Variants in MINPP1 observed in about 807,000 individuals in gnomAD.
MINPP1 encodes multiple inositol-polyphosphate phosphatase 1.
A neutral mutation model predicts 46.1 loss-of-function variants in MINPP1; 28 were observed. The ratio of observed to expected loss-of-function variants is 0.61; its 90% confidence interval spans 0.45 to 0.83. The LOEUF (loss-of-function observed/expected upper bound fraction) is 0.83, where lower values mean the gene tolerates loss of function less well. MINPP1 is among the 40% of genes least tolerant of loss of function. The pLI, the probability that MINPP1 is intolerant of heterozygous loss-of-function variation, is 0.00. For synonymous variants in MINPP1, 268 were observed against 249.1 expected, an observed-to-expected ratio of 1.08 and a Z score of -0.72; for missense variants, 603 against 610.0, an observed-to-expected ratio of 0.99 and a Z score of 0.12.
In MINPP1 at chr10:87,505,114, C is replaced by T; in HGVS notation, c.199C>T (p.Pro67Ser). 1 of 1,613,176 alleles carries T rather than the reference C, an allele frequency of 6.2e-7. No individual in the cohort carries two copies. The change falls in exon 1 of 5, where the codon CCG becomes TCG. Residue 67 changes from proline (P) to serine (S), a missense_variant. Around this residue, in one of 3 missense-constraint regions of MINPP1, gnomAD observed 239 missense variants for 189.4 expected, o/e 1.26. Coordinates refer to ENST00000371996, the MANE Select transcript of MINPP1 (RefSeq NM_004897.5). The surrounding 1 kb of genome is among the most constrained non-coding windows in gnomAD (Gnocchi z 4.4). ...NPVLLSGPEA[P>S]WRDPELLEGT... is the part of the protein sequence containing the mutation. ...CGTGCTATTGTCGGGCCCCGAGGCT[C>T]CGTGGCGGGACCCTGAGCTGCTGGA... is the stretch of plus-strand genomic sequence containing the variant.
chr10:87,513,708 C>T (rs982223536), intron 3 of MINPP1, among the ~76,000 whole-genome samples: 1 of 152,044 alleles, frequency 6.6e-6, no homozygotes, highest in East Asian at 1.9e-4. Flanking sequence ...ACCTTTTTTG[C>T]CACATTTCCT....
Position 87,508,252 on chromosome 10 carries a change from T to A in MINPP1, c.638-84T>A. ...GATTAGTAAGATGTTAGTGTTCCTTTTTCACACTTAACATTTTCAATAATT... is the reference window on the plus strand; with the variant it reads ...GATTAGTAAGATGTTAGTGTTCCTTATTCACACTTAACATTTTCAATAATT... On this transcript the variant is annotated intron_variant, in intron 1 of 4. Transcript: ENST00000371996. 2.5e-6 allele frequency: 4 copies of A among 1,570,380 alleles called. No homozygotes were observed. The South Asian group carries it at 4.6e-5, about 18-fold the overall frequency.
intron 4 of MINPP1, among the ~76,000 whole-genome samples, chr10:87,532,278 A>G (rs1851671429): frequency 6.6e-6 from 1 of 152,234 alleles, no homozygotes; most frequent in Non-Finnish European, 1.5e-5. Flanking sequence ...AGGAAAATTC[A>G]TTCAACAAAG....
chr10:87,534,092 C>G (rs1463413686), intron 4 of MINPP1, among the ~76,000 whole-genome samples: 1 of 147,356 alleles, frequency 6.8e-6, no homozygotes, highest in East Asian at 2.0e-4. Flanking sequence ...TCGCTCTATC[C>G]CCCAGGCTGG....
intron 2 of MINPP1, among the ~76,000 whole-genome samples, 166 bp from the exon 3 acceptor site, chr10:87,512,958 G>A: frequency 6.6e-6 from 1 of 152,162 alleles, no homozygotes; most frequent in East Asian, 1.9e-4. Flanking sequence ...CACAGAGAAA[G>A]TCTCTTAATT....
chr10:87,526,690 A>C (rs1851581925), intron 4 of MINPP1, among the ~76,000 whole-genome samples: 1 of 152,210 alleles, frequency 6.6e-6, no homozygotes, highest in Non-Finnish European at 1.5e-5. Context: ...TCTAACTTTT[A>C]AGTCTTTAAC....
At position 87,505,570 on chromosome 10, in the gene MINPP1, C is replaced by T; in HGVS notation, c.637+18C>T. On this transcript the variant is annotated intron_variant, in intron 1 of 4. Coordinates refer to ENST00000371996, the MANE Select transcript of MINPP1 (RefSeq NM_004897.5). This position sits in a 1 kb window ranked among gnomAD's most constrained non-coding sequence, Gnocchi z 4.4. Reference sequence around the variant, plus strand: ...CGTCGCAGGTGACCCCCCGGGCGGCCCGTGTGCTGTCCCGGTCCTCCCACC... The same window carrying T: ...CGTCGCAGGTGACCCCCCGGGCGGCTCGTGTGCTGTCCCGGTCCTCCCACC... The T allele has an allele frequency of 6.3e-7, 1 of 1,591,138 alleles. No homozygotes were observed. The highest frequency in any genetic ancestry group is 8.5e-7 in the Non-Finnish European group (1 of 1,175,010).
At chr10:87,522,314 T>A (rs565246402) in intron 4 of MINPP1, among the ~76,000 whole-genome samples, 4 of 152,352 alleles carry the variant, frequency 2.6e-5, no homozygotes, top group Admixed American at 2.6e-4. Flanking sequence ...ATCACTTCCC[T>A]GCATTGATGC....
chr10:87,544,676 A>T (rs897879441), intron 4 of MINPP1, among the ~76,000 whole-genome samples: 1 of 152,188 alleles, frequency 6.6e-6, no homozygotes, highest in Non-Finnish European at 1.5e-5. Context: ...TCACAATATC[A>T]TTGGAACCTT....
intron 4 of MINPP1, among the ~76,000 whole-genome samples, chr10:87,530,313 T>C (rs971301586): frequency 6.6e-6 from 1 of 152,198 alleles, no homozygotes; most frequent in Non-Finnish European, 1.5e-5. Flanking sequence ...CTTCAGCTTT[T>C]CTGTTCTGGT....
chr10:87,530,734 A>C (rs1315791663), intron 4 of MINPP1, among the ~76,000 whole-genome samples: 5 of 152,234 alleles, frequency 3.3e-5, no homozygotes, highest in Non-Finnish European at 7.3e-5. Flanking sequence ...CAAAGCTGTC[A>C]GACAGGGACG....
chr10:87,520,129 T>C (rs1251970346), intron 3 of MINPP1, among the ~76,000 whole-genome samples: 2 of 151,870 alleles, frequency 1.3e-5, no homozygotes, highest in African/African-American at 4.8e-5. Context: ...TGGGTTCTTA[T>C]TCAACATTGT....
chr10:87,538,366 C>T (rs528530316), intron 4 of MINPP1, among the ~76,000 whole-genome samples: 2 of 152,290 alleles, frequency 1.3e-5, no homozygotes, highest in Non-Finnish European at 2.9e-5. Flanking sequence ...TCTGGAAACT[C>T]GGCAGTAAGC....
intron 2 of MINPP1, among the ~76,000 whole-genome samples, chr10:87,510,730 A>G (rs1851322571): frequency 6.6e-6 from 1 of 152,230 alleles, no homozygotes. Context: ...CCCTGCCTCT[A>G]TCAAAGACAC....
At chr10:87,535,779 A>C (rs1435348177) in intron 4 of MINPP1, among the ~76,000 whole-genome samples, 1 of 151,654 alleles carries the variant, frequency 6.6e-6, no homozygotes, top group East Asian at 1.9e-4. Context: ...GAAAAAAAAA[A>C]TTAGCCAGGC....
intron 1 of MINPP1, among the ~76,000 whole-genome samples, chr10:87,506,356 T>G (rs537866814): frequency 6.6e-6 from 1 of 152,294 alleles, no homozygotes; most frequent in South Asian, 2.1e-4. Context: ...AGAATGGTTC[T>G]TTTTCTCTTA....
chr10:87,512,403 C>G (rs1851347608), intron 2 of MINPP1, among the ~76,000 whole-genome samples: 1 of 152,092 alleles, frequency 6.6e-6, no homozygotes, highest in Non-Finnish European at 1.5e-5. Context: ...TTGTGCTTCT[C>G]CTCCTTGGCT....
At chr10:87,532,914 G>C (rs1238525682) in intron 4 of MINPP1, among the ~76,000 whole-genome samples, 1 of 151,356 alleles carries the variant, frequency 6.6e-6, no homozygotes, top group Non-Finnish European at 1.5e-5. Context: ...CAGTGTGGTA[G>C]AATAATAAGC....
rs999807475 is a variant in MINPP1 at position 87,510,816 on chromosome 10, G to C, written c.835+2283G>C. Among the ~76,000 whole-genome samples the C allele has an allele frequency of 2.0e-5, 3 of 152,280 alleles. No individual in the cohort carries two copies. In the East Asian group the frequency reaches 5.8e-4, roughly 29 times the overall value. On this transcript the variant is annotated intron_variant, in intron 2 of 4. Transcript: ENST00000371996. ...TAAAAATGTTTTTTAAAGATAAATA[G>C]GTGAAATTGCTGGGTTAACACACAT...
Sources: allele counts gnomAD v4.1 joint callset (sites outside exome capture counted in the v4.1 genomes callset), GRCh38; gene constraint gnomAD v4.1.1; regional missense constraint gnomAD v4.1.1; non-coding constraint Gnocchi (gnomAD v3.1); transcripts MANE v1.5; gene names NCBI Gene and HGNC (gene_info 2026-07-23, HGNC 2026-07-21).